Variants in PSMD6 observed in about 807,000 individuals in gnomAD.
PSMD6 encodes the protein 26S proteasome non-ATPase regulatory subunit 6.
A neutral mutation model predicts 44.9 loss-of-function variants in PSMD6; 7 were observed. The observed-to-expected ratio is 0.16, with a 90% CI of 0.09 to 0.29. The LOEUF (loss-of-function observed/expected upper bound fraction) is 0.29. Ranked by LOEUF, PSMD6 falls within the 10% of genes least tolerant of loss-of-function variation. PSMD6 has a pLI of 1.00. For missense variants in PSMD6, 420 were observed against 482.6 expected, an observed-to-expected ratio of 0.87 and a Z score of 1.21; for synonymous variants, 184 against 172.7, an observed-to-expected ratio of 1.07 and a Z score of -0.51.
At chr3:64,016,793 A>C (rs2076050870) in intron 5 of PSMD6, 1 of 152,182 alleles carries the variant, frequency 6.6e-6, no homozygotes, top group South Asian at 2.1e-4. Context: ...AGTTTATCAG[A>C]GGGTTGCCAT....
At chr3:64,017,180 T>C (rs1469027313) in intron 5 of PSMD6, 1 of 152,282 alleles carries the variant, frequency 6.6e-6, no homozygotes. Context: ...TGCTAATGGG[T>C]GTCGGTTTCC....
At chr3:64,023,176 G>C (rs1420711418) in intron 1 of PSMD6, 99 bp downstream of exon 1, 2 of 1,441,504 alleles carry the variant, frequency 1.4e-6, no homozygotes, top group Non-Finnish European at 1.8e-6. Flanking sequence ...GACCCCGTCA[G>C]AGGGGTCTGG....
In PSMD6 at chr3:64,010,607, G is replaced by C; in HGVS notation, c.*61C>G. 8.1e-7 allele frequency: 1 copy of C among 1,235,136 alleles called. No homozygotes were observed. The highest frequency in any genetic ancestry group is 1.5e-5 in the African/African-American group (1 of 65,518). 76.5% of individuals were successfully genotyped at this position (1,235,136 alleles called of 1,614,324 possible). ...ACAGCTGACCTGGGCACATTGTGAA[G>C]TAAGCTATAAAAATTCCAAATAATT... On this transcript the variant is annotated 3_prime_UTR_variant, in exon 8 of 8. Transcript: ENST00000295901.
chr3:64,011,848 A>C (rs986179466), intron 6 of PSMD6: 3 of 152,366 alleles, frequency 2.0e-5, no homozygotes, highest in East Asian at 1.9e-4. Flanking sequence ...CTGGAAAAAG[A>C]AGCAAAGCCA....
At chr3:64,018,118 T>C (rs1210388764) in intron 5 of PSMD6, among the ~76,000 whole-genome samples, 1 of 152,228 alleles carries the variant, frequency 6.6e-6, no homozygotes, top group African/African-American at 2.4e-5. Flanking sequence ...GCTATTTAGC[T>C]ATTGATACAG....
rs750496989 is a variant in PSMD6, at chr3:64,022,408, C to T, written c.261G>A (p.Glu87=). ...NEDELKRLDE[E]LEDAEKNLGE... is the part of the protein sequence containing the mutation. ...CTAGATTCTTCTCTGCATCTTCCAGCTCCTCATCCAAACGCTTCAACTCAT... is the reference window on the plus strand; with the variant it reads ...CTAGATTCTTCTCTGCATCTTCCAGTTCCTCATCCAAACGCTTCAACTCAT... The change falls in exon 2 of 8, where the codon GAG becomes GAA. Residue 87 remains glutamate (E), a synonymous_variant. Transcript: ENST00000295901. 9 of 1,614,246 alleles carry T rather than the reference C, an allele frequency of 5.6e-6. No individual in the cohort carries two copies. Among genetic ancestry groups the T allele is most frequent in the Non-Finnish European group, 7.6e-6 (9 of 1,180,044 alleles).
intron 5 of PSMD6, chr3:64,017,337 C>A (rs1215520384): frequency 6.6e-6 from 1 of 151,814 alleles, no homozygotes; most frequent in East Asian, 1.9e-4. Flanking sequence ...ATACAATAAC[C>A]CCAGGAATGC....
intron 2 of PSMD6, 156 bp from the exon 3 acceptor site, chr3:64,019,597 A>G: frequency 1.5e-6 from 1 of 675,928 alleles, no homozygotes; most frequent in Non-Finnish European, 2.3e-6. Context: ...GCTGGGTGAT[A>G]AGTACACAAG....
chr3:64,014,171 G>C (rs2076008189), intron 5 of PSMD6: 1 of 152,204 alleles, frequency 6.6e-6, no homozygotes, highest in Non-Finnish European at 1.5e-5. Context: ...TTATAACGAT[G>C]AGTTAATGGC....
chr3:64,019,195 CA>C, intron 3 of PSMD6, 100 bp downstream of exon 3: 1 of 1,437,322 alleles, frequency 7.0e-7, no homozygotes, highest in Non-Finnish European at 9.6e-7. Flanking sequence ...ATTATTTGAC[CA>C]AACTTACTAG....
chr3:64,023,607 G>C, upstream of PSMD6: 1 of 1,416,192 alleles, frequency 7.1e-7, no homozygotes, highest in Non-Finnish European at 9.2e-7. Context: ...CTGCGCCCCT[G>C]TGTGGTCACG....
Position 64,018,746 on chromosome 3 carries a change from C to T in PSMD6, c.718-39G>A, listed in dbSNP as rs774498899. ...AAAACATATATACAAAAAAAATGTA[C>T]ATTTTAATGATTTGTGTATTTAAAC... On this transcript the variant is annotated intron_variant, in intron 4 of 7. Coordinates refer to ENST00000295901, the MANE Select transcript of PSMD6 (RefSeq NM_014814.3). 6 of 1,518,402 alleles carry T rather than the reference C, an allele frequency of 4.0e-6. No individual in the cohort carries two copies. In the East Asian group the frequency reaches 1.1e-4, roughly 29 times the overall value. The allele number at this position is 1,518,402 out of a possible 1,614,324, so 94.1% of individuals were successfully genotyped here.
intron 6 of PSMD6, chr3:64,011,594 A>G (rs1241679670): frequency 1.3e-5 from 2 of 152,114 alleles, no homozygotes; most frequent in Non-Finnish European, 2.9e-5. Context: ...GGTAACAACA[A>G]CTAGAGCTCA....
intron 2 of PSMD6, 114 bp from the exon 3 acceptor site, chr3:64,019,555 A>G: frequency 9.1e-7 from 1 of 1,098,526 alleles, no homozygotes; most frequent in South Asian, 1.6e-5. Context: ...GTAGAAGTAC[A>G]ACAAGATGGC....
At chr3:64,016,931 TA>T (rs1189991016) in intron 5 of PSMD6, 3 of 152,056 alleles carry the variant, frequency 2.0e-5, no homozygotes, top group Admixed American at 6.5e-5. Flanking sequence ...AATGGATAAA[TA>T]AAATGTAGTA....
chr3:64,018,486 G>A (rs1156959250), intron 5 of PSMD6, 113 bp downstream of exon 5: 15 of 742,428 alleles, frequency 2.0e-5, no homozygotes, highest in Non-Finnish European at 3.3e-5. Flanking sequence ...AAGACATGCA[G>A]CTACCTACAC....
intron 2 of PSMD6, among the ~76,000 whole-genome samples, chr3:64,020,336 A>G (rs1055993108): frequency 1.3e-5 from 2 of 152,178 alleles, no homozygotes; most frequent in African/African-American, 2.4e-5. Flanking sequence ...ATAAAAAACG[A>G]GAGTAAATAG....
chr3:64,011,402 TTAGTC>T (rs1295018782), intron 6 of PSMD6: 1 of 152,536 alleles, frequency 6.6e-6, no homozygotes, highest in African/African-American at 2.4e-5. Flanking sequence ...CTAACATATC[TTAGTC>T]TAAACAAGTG....
chr3:64,015,064 A>C (rs555750331), intron 5 of PSMD6: 1 of 152,340 alleles, frequency 6.6e-6, no homozygotes, highest in African/African-American at 2.4e-5. Context: ...CACATGATTT[A>C]GCAACATGGA....
Sources: gnomAD v4.1 joint callset for allele counts (sites outside exome capture counted in the v4.1 genomes callset) on GRCh38, gnomAD v4.1.1 for gene constraint, MANE v1.5 for transcripts, NCBI Gene and HGNC (gene_info 2026-07-23, HGNC 2026-07-21) for gene names.